The following TRPM3 variants were observed in gnomAD, a reference collection of about 807,000 sequenced individuals.
The protein encoded by TRPM3 is long transient receptor potential channel 3.
In TRPM3, 77 loss-of-function variants were observed where a neutral mutation model predicts 181.2. That is an observed-to-expected ratio of 0.42 (90% CI 0.35 to 0.51). The LOEUF (loss-of-function observed/expected upper bound fraction) is 0.51. TRPM3 is among the 20% of genes least tolerant of loss of function. The pLI, the probability that TRPM3 is intolerant of heterozygous loss-of-function variation, is 0.01. For synonymous variants in TRPM3, 745 were observed against 796.4 expected (o/e 0.94, Z 1.09); for missense variants, 1,759 against 2,196.7 (o/e 0.80, Z 3.98).
intron 21 of TRPM3, among the ~76,000 whole-genome samples, chr9:70,596,324 AGTC>A (rs1368227162): frequency 1.3e-5 from 2 of 152,192 alleles, no homozygotes; most frequent in African/African-American, 4.8e-5. Flanking sequence ...TTGTAAGAAA[AGTC>A]GTGATTATTT....
At chr9:70,773,366 T>C (rs2080717949) in intron 7 of TRPM3, among the ~76,000 whole-genome samples, 1 of 152,140 alleles carries the variant, frequency 6.6e-6, no homozygotes, top group Non-Finnish European at 1.5e-5. Context: ...ATAATAATTA[T>C]AGCCACCTCA....
intron 9 of TRPM3, among the ~76,000 whole-genome samples, chr9:70,655,142 C>T (rs2060130178): frequency 6.7e-6 from 1 of 149,798 alleles, no homozygotes; most frequent in Non-Finnish European, 1.5e-5. Flanking sequence ...CCCGTCTCTG[C>T]TAAAAATACA....
chr9:70,636,350 T>G (rs560784854), intron 11 of TRPM3, among the ~76,000 whole-genome samples: 1 of 152,158 alleles, frequency 6.6e-6, no homozygotes, highest in African/African-American at 2.4e-5. Context: ...TGGATTTCGA[T>G]GACAGTTTGC....
intron 22 of TRPM3, among the ~76,000 whole-genome samples, chr9:70,578,844 T>C (rs945544148): frequency 2.0e-5 from 3 of 152,210 alleles, no homozygotes; most frequent in African/African-American, 7.2e-5. Flanking sequence ...GGTGGGATAA[T>C]TCTTTGTCTG....
At chr9:71,333,760 T>C (rs879855696) in intron 1 of TRPM3, among the ~76,000 whole-genome samples, 6 of 151,796 alleles carry the variant, frequency 4.0e-5, no homozygotes, top group Non-Finnish European at 7.4e-5. Flanking sequence ...TGCACAGAAA[T>C]AGAGATAATA....
intron 6 of TRPM3, among the ~76,000 whole-genome samples, chr9:70,793,213 G>C (rs1247530218): frequency 6.6e-6 from 1 of 152,048 alleles, no homozygotes; most frequent in Non-Finnish European, 1.5e-5. Flanking sequence ...CAGCTCTTTG[G>C]GAGACCGAGG....
chr9:71,122,304 C>T (rs1436319507), upstream of TRPM3, among the ~76,000 whole-genome samples: 1 of 152,142 alleles, frequency 6.6e-6, no homozygotes, highest in African/African-American at 2.4e-5. Flanking sequence ...CTTTAGGACT[C>T]CTGTGGTGAG....
rs192994304 is a variant in TRPM3, at chr9:70,867,154, T to C, written c.178-2643A>G. 1.1e-3 allele frequency among the ~76,000 whole-genome samples: 167 copies of C among 152,168 alleles called. 2 individuals are homozygous for C. Among genetic ancestry groups the C allele is most frequent in the Non-Finnish European group, 1.8e-3 (125 of 67,950 alleles). On this transcript the variant is annotated intron_variant, in intron 1 of 25. Coordinates refer to ENST00000677713, the MANE Select transcript of TRPM3 (RefSeq NM_001366145.2). ...TCCCCACATGCGCAGGAATGAATACTCTGCTATGTCTTCTTCTTTTCTCCT... is the reference window on the plus strand; with the variant it reads ...TCCCCACATGCGCAGGAATGAATACCCTGCTATGTCTTCTTCTTTTCTCCT...
intron 1 of TRPM3, among the ~76,000 whole-genome samples, chr9:71,344,376 A>T (rs955025172): frequency 6.6e-6 from 1 of 151,962 alleles, no homozygotes; most frequent in Non-Finnish European, 1.5e-5. Flanking sequence ...GCTTGAACCC[A>T]GGAGGTGGAG....
chr9:71,193,064 G>T (rs997107044), intron 1 of TRPM3, among the ~76,000 whole-genome samples: 1 of 151,696 alleles, frequency 6.6e-6, no homozygotes, highest in African/African-American at 2.4e-5. Context: ...GACATGAATG[G>T]GTATTTAAAA....
At chr9:70,784,424 G>C in intron 6 of TRPM3, 145 bp from the exon 7 acceptor site, 1 of 902,404 alleles carries the variant, frequency 1.1e-6, no homozygotes, top group Admixed American at 3.1e-5. Context: ...ATATGGTACT[G>C]AGCAAAAATT....
chr9:71,285,365 T>C (rs1791411595), intron 1 of TRPM3, among the ~76,000 whole-genome samples: 1 of 152,222 alleles, frequency 6.6e-6, no homozygotes, highest in African/African-American at 2.4e-5. Flanking sequence ...GAGATGGCCT[T>C]TGCCTCTTTT....
At chr9:71,162,199 C>CAAAAAAAAAAAAAAAAAAAAAAAAAA (rs35947110) in intron 1 of TRPM3, among the ~76,000 whole-genome samples, 1 of 74,454 alleles carries the variant, frequency 1.3e-5, no homozygotes, top group Non-Finnish European at 2.5e-5. Context: ...GACTCTGTCT[C>CAAAAAAAAAAAAAAAAAAAAAAAAAA]AAAAAAAAAA....
At chr9:70,591,870 C>T (rs1006524603) in intron 21 of TRPM3, among the ~76,000 whole-genome samples, 3 of 152,304 alleles carry the variant, frequency 2.0e-5, no homozygotes, top group Non-Finnish European at 4.4e-5. Context: ...ACTTCTCCTG[C>T]AGGGTATCCC....
At chr9:70,784,669 A>G (rs939130443) in intron 6 of TRPM3, among the ~76,000 whole-genome samples, 1 of 152,180 alleles carries the variant, frequency 6.6e-6, no homozygotes, top group Non-Finnish European at 1.5e-5. Context: ...CTTTCCAATG[A>G]GTCTGTTTCC....
intron 11 of TRPM3, among the ~76,000 whole-genome samples, chr9:70,636,965 C>T (rs1285486532): frequency 1.3e-5 from 2 of 152,138 alleles, no homozygotes; most frequent in Non-Finnish European, 2.9e-5. Flanking sequence ...TGGGAGGCCA[C>T]TGCGCCCAAC....
chr9:71,101,142 T>A (rs2068292826), intron 1 of TRPM3, among the ~76,000 whole-genome samples: 1 of 152,204 alleles, frequency 6.6e-6, no homozygotes. Flanking sequence ...TACTTCTGAC[T>A]AACTCATTTA....
At chr9:71,432,595 T>C (rs116834797) in intron 1 of TRPM3, among the ~76,000 whole-genome samples, 1,621 of 152,300 alleles carry the variant, frequency 0.011, 34 homozygotes, top group African/African-American at 0.037. Context: ...AAAATTTAAT[T>C]TCATTTAGTG....
intron 1 of TRPM3, among the ~76,000 whole-genome samples, chr9:71,101,266 AT>A (rs1244687331): frequency 1.3e-5 from 2 of 151,964 alleles, no homozygotes; most frequent in African/African-American, 2.4e-5. Context: ...ATGGTTGTGG[AT>A]TTTTTTTCCT....
Sources: gnomAD v4.1 joint callset for allele counts (sites outside exome capture counted in the v4.1 genomes callset) on GRCh38, gnomAD v4.1.1 for gene constraint, MANE v1.5 for transcripts, NCBI Gene and HGNC (gene_info 2026-07-23, HGNC 2026-07-21) for gene names.